RPS6KC1: variants seen among roughly 807,000 people sequenced by gnomAD.
RPS6KC1 encodes the protein inactive ribosomal protein S6 kinase delta-1.
A neutral mutation model predicts 103.8 loss-of-function variants in RPS6KC1; 54 were observed. The observed-to-expected ratio is 0.52, with a 90% CI of 0.42 to 0.65. RPS6KC1 has a LOEUF of 0.65. RPS6KC1 is among the 30% of genes least tolerant of loss of function. The pLI is 0.00. For missense variants in RPS6KC1, 1,151 were observed against 1,253.8 expected (o/e 0.92, Z 1.24); for synonymous variants, 439 against 438.7 (o/e 1.00, Z -0.01).
chr1:213,382,581 G>A, the RPS6KC1 span, among the ~76,000 whole-genome samples: 8 of 149,404 alleles, frequency 5.4e-5, no homozygotes, highest in Middle Eastern at 3.4e-3. Flanking sequence ...CTTGGCAGGC[G>A]TGGCCTGGGT....
chr1:213,531,230 T>G, the RPS6KC1 span, among the ~76,000 whole-genome samples: 2 of 152,204 alleles, frequency 1.3e-5, no homozygotes, highest in Non-Finnish European at 2.9e-5. Context: ...CACTCCCCGC[T>G]GCAACTGTTC....
the RPS6KC1 span, among the ~76,000 whole-genome samples, chr1:213,417,563 G>A: frequency 2.6e-5 from 4 of 152,220 alleles, no homozygotes; most frequent in African/African-American, 4.8e-5. Flanking sequence ...CTCGGGGTGC[G>A]GCTGGAGGGA....
At chr1:213,293,399 G>C in the RPS6KC1 span, among the ~76,000 whole-genome samples, 1 of 151,898 alleles carries the variant, frequency 6.6e-6, no homozygotes, top group Non-Finnish European at 1.5e-5. Flanking sequence ...CCATTATAAA[G>C]ACATTTTTAG....
the RPS6KC1 span, among the ~76,000 whole-genome samples, chr1:213,758,363 A>AGT: frequency 6.6e-6 from 1 of 152,180 alleles, no homozygotes; most frequent in African/African-American, 2.4e-5. Context: ...AGATCACCTG[A>AGT]GGTCAGGAGT....
the RPS6KC1 span, among the ~76,000 whole-genome samples, chr1:213,350,601 C>T: frequency 6.6e-6 from 1 of 151,974 alleles, no homozygotes; most frequent in Non-Finnish European, 1.5e-5. Flanking sequence ...TGGAAGAGAT[C>T]CAGGATAGGG....
the RPS6KC1 span, among the ~76,000 whole-genome samples, chr1:213,489,083 C>T: frequency 2.0e-5 from 3 of 152,162 alleles, no homozygotes; most frequent in Non-Finnish European, 2.9e-5. Context: ...GAGCTCTAGT[C>T]GGGGAGCTGG....
chr1:213,211,663 T>C (rs1573315060), intron 8 of RPS6KC1, among the ~76,000 whole-genome samples: 1 of 152,376 alleles, frequency 6.6e-6, no homozygotes, highest in South Asian at 2.1e-4. Context: ...TTGATAGGTT[T>C]ATTGTTCACT....
chr1:213,783,843 T>C, the RPS6KC1 span, among the ~76,000 whole-genome samples: 2 of 77,914 alleles, frequency 2.6e-5, no homozygotes, highest in East Asian at 5.4e-4. Flanking sequence ...AAAAAAAAAA[T>C]CCAAACCACA....
At chr1:213,387,147 A>G in the RPS6KC1 span, among the ~76,000 whole-genome samples, 1 of 152,238 alleles carries the variant, frequency 6.6e-6, no homozygotes, top group Non-Finnish European at 1.5e-5. Context: ...AAGAGGATCT[A>G]GAGAGTTAAT....
intron 3 of RPS6KC1, 50 bp from the exon 4 acceptor site, chr1:213,104,404 C>A: frequency 1.7e-6 from 2 of 1,197,700 alleles, no homozygotes; most frequent in Non-Finnish European, 2.5e-6. Context: ...CTATCATAAA[C>A]CAGTGTTTGA....
At chr1:213,112,152 G>A (rs1558338879) in intron 4 of RPS6KC1, among the ~76,000 whole-genome samples, 1 of 152,142 alleles carries the variant, frequency 6.6e-6, no homozygotes, top group African/African-American at 2.4e-5. Flanking sequence ...ATGGGGGCTT[G>A]TAATTCTTTT....
chr1:213,678,082 T>C, the RPS6KC1 span, among the ~76,000 whole-genome samples: 681 of 152,276 alleles, frequency 4.5e-3, 7 homozygotes, highest in Non-Finnish European at 5.5e-3. Flanking sequence ...AAGGAGTTTC[T>C]TGTTTCGTTT....
At chr1:213,682,209 CTCTT>C in the RPS6KC1 span, among the ~76,000 whole-genome samples, 1 of 152,206 alleles carries the variant, frequency 6.6e-6, no homozygotes, top group African/African-American at 2.4e-5. Context: ...TGGATGGCCT[CTCTT>C]TCTGCCTCTG....
At chr1:213,419,081 C>T in the RPS6KC1 span, among the ~76,000 whole-genome samples, 1 of 152,244 alleles carries the variant, frequency 6.6e-6, no homozygotes, top group Admixed American at 6.5e-5. Flanking sequence ...GTGTGACTCC[C>T]TATCCTTCTT....
chr1:213,129,614 A>G lies in RPS6KC1; in HGVS notation c.560A>G (p.Asn187Ser). 1.2e-6 allele frequency: 2 copies of G among 1,614,028 alleles called. No individual in the cohort carries two copies. The highest frequency in any genetic ancestry group is 1.3e-5 in the African/African-American group (1 of 75,034). Residue 187 changes from asparagine (N) to serine (S), a missense_variant, in exon 6 of 15, where the codon AAT becomes AGT. Around this residue, in one of 3 missense-constraint regions of RPS6KC1, gnomAD observed 959 missense variants for 1,006.3 expected, o/e 0.95. Coordinates refer to ENST00000366960, the MANE Select transcript of RPS6KC1 (RefSeq NM_012424.6). ...ELDDGMASNQ[N>S]SPIRTFGLNL... ...GATGATGGAATGGCTTCCAATCAAAATTCTCCCATTAGAACTTTTGGTCTC... is the reference window on the plus strand; with the variant it reads ...GATGATGGAATGGCTTCCAATCAAAGTTCTCCCATTAGAACTTTTGGTCTC...
At chr1:213,472,927 G>C in the RPS6KC1 span, among the ~76,000 whole-genome samples, 1 of 152,178 alleles carries the variant, frequency 6.6e-6, no homozygotes, top group Admixed American at 6.5e-5. Flanking sequence ...ATTCATATCA[G>C]AAGGTAAACA....
chr1:213,220,863 C>A (rs770034499), intron 8 of RPS6KC1, among the ~76,000 whole-genome samples: 4 of 152,082 alleles, frequency 2.6e-5, no homozygotes, highest in Non-Finnish European at 5.9e-5. Flanking sequence ...TTAAAAGACA[C>A]CACAGTATTT....
Position 213,067,096 on chromosome 1 carries a change from C to T in RPS6KC1, c.106-3910C>T, listed in dbSNP as rs181941805. On this transcript the variant is annotated intron_variant, in intron 1 of 14. Coordinates refer to ENST00000366960, the MANE Select transcript of RPS6KC1 (RefSeq NM_012424.6). ...CCCTCCCCACGTCGAGTTGTCCCAC[C>T]TTTCTGGACTGAACCAGTGTACATC... 6.6e-3 allele frequency among the ~76,000 whole-genome samples: 1,002 copies of T among 152,280 alleles called. 10 individuals are homozygous for T. The highest frequency in any genetic ancestry group is 0.023 in the African/African-American group (943 of 41,548).
chr1:213,634,543 C>T, the RPS6KC1 span, among the ~76,000 whole-genome samples: 4 of 152,128 alleles, frequency 2.6e-5, no homozygotes, highest in African/African-American at 7.2e-5. Flanking sequence ...AGAATGAAGA[C>T]ACAACATACC....
Sources: allele counts gnomAD v4.1 joint callset (sites outside exome capture counted in the v4.1 genomes callset), GRCh38; gene constraint gnomAD v4.1.1; regional missense constraint gnomAD v4.1.1; transcripts MANE v1.5; gene names NCBI Gene and HGNC (gene_info 2026-07-23, HGNC 2026-07-21).